Variants in POLA1 observed in about 807,000 individuals in gnomAD.
The protein encoded by POLA1 is DNA polymerase alpha 1, catalytic subunit, also known as DNA polymerase alpha catalytic subunit.
POLA1 carries 15 observed loss-of-function variants against 124.0 expected under a neutral mutation model. The ratio of observed to expected loss-of-function variants is 0.12; its 90% CI spans 0.08 to 0.19. The LOEUF is 0.19. Among genes scored for constraint, POLA1 ranks in the 10% least tolerant of loss-of-function variants. POLA1 has a pLI of 1.00. For synonymous variants in POLA1, 408 were observed against 389.4 expected (o/e 1.05, Z -0.56); for missense variants, 886 against 1,103.4 (o/e 0.80, Z 2.79).
intron 36 of POLA1, among the ~76,000 whole-genome samples, chrX:24,942,902 G>T (rs1569370546): frequency 1.8e-5 from 2 of 111,691 alleles, no homozygotes; most frequent in Admixed American, 1.9e-4. Flanking sequence ...TCACCATGTT[G>T]CCCAGGCTGG....
chrX:24,871,798 T>C (rs181798229), intron 34 of POLA1, among the ~76,000 whole-genome samples: 4 of 111,557 alleles, frequency 3.6e-5, no homozygotes, highest in South Asian at 3.8e-4. Flanking sequence ...ATAAGACTTA[T>C]GTTAGGGAAG....
At chrX:24,778,799 C>T (rs11573397) in intron 26 of POLA1, among the ~76,000 whole-genome samples, 108 of 111,339 alleles carry the variant, frequency 9.7e-4, no homozygotes, top group Non-Finnish European at 1.7e-3. Context: ...ATAGATGTAA[C>T]GATGGAATTA....
chrX:24,830,337 G>A (rs929030414), intron 32 of POLA1, among the ~76,000 whole-genome samples: 13 of 111,531 alleles, frequency 1.2e-4, no homozygotes, highest in African/African-American at 4.2e-4. Context: ...ATGTTGCATG[G>A]CCAGGTGTTC....
At chrX:24,719,687 G>A (rs11573329) in intron 10 of POLA1, among the ~76,000 whole-genome samples, 1 of 111,240 alleles carries the variant, frequency 9.0e-6, no homozygotes, top group South Asian at 3.8e-4. Context: ...ATTACTCCCC[G>A]TACTTTGCTG....
intron 26 of POLA1, among the ~76,000 whole-genome samples, chrX:24,755,932 T>A (rs1243294387): frequency 8.9e-6 from 1 of 112,100 alleles, no homozygotes; most frequent in Non-Finnish European, 1.9e-5. Flanking sequence ...ATTCCAGGGG[T>A]TGGCAGACTT....
At chrX:24,773,302 C>T (rs2045076328) in intron 26 of POLA1, among the ~76,000 whole-genome samples, 1 of 111,882 alleles carries the variant, frequency 8.9e-6, no homozygotes, top group African/African-American at 3.3e-5. Flanking sequence ...GGAGGGACAC[C>T]TTGTGTGGTG....
At chrX:24,981,991 C>T (rs765278039) in intron 36 of POLA1, among the ~76,000 whole-genome samples, 2 of 111,573 alleles carry the variant, frequency 1.8e-5, no homozygotes, top group East Asian at 5.6e-4. Flanking sequence ...TTTCTCTTTT[C>T]ACCCAGATTC....
intron 26 of POLA1, among the ~76,000 whole-genome samples, chrX:24,792,237 G>A (rs976897122): frequency 9.0e-6 from 1 of 111,069 alleles, no homozygotes; most frequent in East Asian, 2.8e-4. Context: ...CTTTTTAATG[G>A]CATGTTCTCC....
At chrX:24,699,886 TACTC>T (rs1569269770) in intron 2 of POLA1, among the ~76,000 whole-genome samples, 1 of 107,226 alleles carries the variant, frequency 9.3e-6, no homozygotes, top group Non-Finnish European at 1.9e-5. Flanking sequence ...TGCTTTTACT[TACTC>T]TTAAGGTATT....
In POLA1 at chrX:24,812,658, GT is replaced by G; in HGVS notation, c.3092del (p.Val1031GlufsTer5). On this transcript the variant is annotated frameshift_variant and splice_region_variant, in exon 29 of 37. Transcript: ENST00000379068. LOFTEE classifies it high-confidence loss of function. ...ATACTAATATTTGAAATTTTCACAG[GT>G]AAAAAGTGAAGTGAATAAGTTGTAC... Reference protein sequence around the residue: ...LEEVFKLGNKVKSEVNKLYKL... With the variant: ...LEEVFKLGNKXKSEVNKLYKL... The G allele has an allele frequency of 8.7e-7, 1 of 1,153,357 alleles. No individual in the cohort carries two copies. Among genetic ancestry groups the G allele is most frequent in the East Asian group, 3.0e-5 (1 of 33,553 alleles).
chrX:24,951,149 C>A (rs1279313231), intron 36 of POLA1, among the ~76,000 whole-genome samples: 2 of 109,634 alleles, frequency 1.8e-5, no homozygotes, highest in South Asian at 8.1e-4. Context: ...TTAAACCCTT[C>A]ATCTTCACCA....
intron 34 of POLA1, among the ~76,000 whole-genome samples, chrX:24,849,586 C>T (rs2046523867): frequency 9.1e-6 from 1 of 109,983 alleles, no homozygotes; most frequent in East Asian, 2.8e-4. Context: ...CTCAGCCTCC[C>T]AAGTAGCCAG....
intron 26 of POLA1, among the ~76,000 whole-genome samples, chrX:24,786,576 A>G (rs2045365479): frequency 9.2e-6 from 1 of 108,473 alleles, no homozygotes; most frequent in Non-Finnish European, 1.9e-5. Flanking sequence ...TGGCACAATC[A>G]TAGCTCACTG....
intron 36 of POLA1, among the ~76,000 whole-genome samples, chrX:24,965,978 A>G (rs2048217472): frequency 8.9e-6 from 1 of 112,031 alleles, no homozygotes; most frequent in South Asian, 3.7e-4. Context: ...TCAAATGTGG[A>G]AAGCTTCTGA....
At chrX:24,801,085 G>A (rs891715153) in intron 26 of POLA1, among the ~76,000 whole-genome samples, 3 of 112,315 alleles carry the variant, frequency 2.7e-5, no homozygotes, top group African/African-American at 9.7e-5. Context: ...AGTTGTATGG[G>A]AGAGGTACAC....
rs909031714 is a variant in POLA1, at chrX:24,942,399, T to C, written c.4261+11850T>C. On this transcript the variant is annotated intron_variant, in intron 36 of 36. Transcript: ENST00000379068. ...AAGTAACTCAAATACAAGGGAATGG[T>C]ATGAATTGCTGAGGGATCTCAGCAT... 5.4e-5 allele frequency among the ~76,000 whole-genome samples: 6 copies of C among 111,914 alleles called. No individual in the cohort carries two copies. In the South Asian group the frequency reaches 1.5e-3, roughly 28 times the overall value.
Position 24,726,611 on chromosome X carries a change from A to G in POLA1, c.1393-322A>G, listed in dbSNP as rs747081311. On this transcript the variant is annotated intron_variant, in intron 13 of 36. Transcript: ENST00000379068. ...CCACTCTGTTGCTTTCATTCTTCTAATGGAGTGGTACTTACTTGGCTATTC... is the reference window on the plus strand; with the variant it reads ...CCACTCTGTTGCTTTCATTCTTCTAGTGGAGTGGTACTTACTTGGCTATTC... Among the ~76,000 whole-genome samples the G allele has an allele frequency of 9.8e-5, 11 of 112,597 alleles. No individual in the cohort carries two copies. The East Asian group carries it at 3.1e-3, about 31-fold the overall frequency.
intron 36 of POLA1, among the ~76,000 whole-genome samples, chrX:24,994,169 A>G (rs1469707416): frequency 3.6e-5 from 4 of 112,386 alleles, no homozygotes; most frequent in Non-Finnish European, 7.5e-5. Flanking sequence ...GTTTATTCCC[A>G]GACTCAGATC....
At chrX:24,921,908 G>GTGTGTGTGTGTGTGTGTGTGT (rs1569363662) in intron 35 of POLA1, among the ~76,000 whole-genome samples, 4 of 110,562 alleles carry the variant, frequency 3.6e-5, no homozygotes, top group African/African-American at 1.3e-4. Flanking sequence ...GTGTGTGTGT[G>GTGTGTGTGTGTGTGTGTGTGT]ATGGGGGTGG....
Sources: allele counts gnomAD v4.1 joint callset (sites outside exome capture counted in the v4.1 genomes callset), GRCh38; gene constraint gnomAD v4.1.1; transcripts MANE v1.5; gene names NCBI Gene and HGNC (gene_info 2026-07-23, HGNC 2026-07-21).